The following COP1 variants were observed in gnomAD, a reference collection of about 807,000 sequenced individuals.
The protein encoded by COP1 is E3 ubiquitin-protein ligase COP1.
COP1 carries 24 observed loss-of-function variants against 101.3 expected under a neutral mutation model. The ratio of observed to expected loss-of-function variants is 0.24; its 90% confidence interval spans 0.17 to 0.33. The LOEUF (loss-of-function observed/expected upper bound fraction) is 0.33, where lower values mean the gene tolerates loss of function less well. Ranked by LOEUF, COP1 falls within the 10% of genes least tolerant of loss-of-function variation. COP1 has a pLI of 1.00. For synonymous variants in COP1, 347 were observed against 341.9 expected (o/e 1.01, Z -0.17); for missense variants, 663 against 906.2 (o/e 0.73, Z 3.45).
intron 9 of COP1, among the ~76,000 whole-genome samples, chr1:176,105,398 C>A (rs914295818): frequency 6.6e-6 from 1 of 152,076 alleles, no homozygotes; most frequent in African/African-American, 2.4e-5. Context: ...TTTGAATATA[C>A]TATATTTTCA....
intron 11 of COP1, among the ~76,000 whole-genome samples, chr1:176,053,225 GAATA>G: frequency 6.6e-6 from 1 of 152,068 alleles, no homozygotes; most frequent in Non-Finnish European, 1.5e-5. Context: ...GCTCTCCCCT[GAATA>G]TACTGCTTCC....
At chr1:176,003,753 G>A (rs1219077294) in intron 15 of COP1, among the ~76,000 whole-genome samples, 1 of 151,342 alleles carries the variant, frequency 6.6e-6, no homozygotes, top group African/African-American at 2.4e-5. Context: ...GGTTACTGTA[G>A]CCTTGTAGTA....
chr1:176,086,988 G>C (rs1185971700), intron 9 of COP1, among the ~76,000 whole-genome samples: 1 of 152,138 alleles, frequency 6.6e-6, no homozygotes, highest in Non-Finnish European at 1.5e-5. Flanking sequence ...TGACAAATCT[G>C]ACAAAAACAA....
At chr1:176,155,556 A>T (rs567151326) in intron 5 of COP1, among the ~76,000 whole-genome samples, 136 of 152,166 alleles carry the variant, frequency 8.9e-4, no homozygotes, top group African/African-American at 3.1e-3. Context: ...AAGGAGAGCA[A>T]AGGGCTGAAC....
chr1:175,995,022 G>T (rs1659760527), intron 15 of COP1, among the ~76,000 whole-genome samples: 1 of 152,122 alleles, frequency 6.6e-6, no homozygotes, highest in African/African-American at 2.4e-5. Flanking sequence ...AAATGCAAAA[G>T]ATCAGAAATT....
intron 8 of COP1, 120 bp downstream of exon 8, chr1:176,134,890 C>CATG: frequency 1.6e-6 from 1 of 643,608 alleles, no homozygotes; most frequent in Non-Finnish European, 2.7e-6. Flanking sequence ...ATTTCTAGAT[C>CATG]ATGACCAAAG....
intron 14 of COP1, among the ~76,000 whole-genome samples, chr1:176,036,131 G>C (rs1440530120): frequency 6.6e-6 from 1 of 151,986 alleles, no homozygotes; most frequent in Admixed American, 6.6e-5. Context: ...ATGAAAACTT[G>C]GTTTCAAATT....
chr1:175,971,895 T>C (rs1162277879), intron 18 of COP1, among the ~76,000 whole-genome samples: 1 of 152,020 alleles, frequency 6.6e-6, no homozygotes, highest in Non-Finnish European at 1.5e-5. Context: ...CAACAGACCA[T>C]AGAGAGCCTC....
chr1:176,016,080 A>G (rs1455521887), intron 15 of COP1, among the ~76,000 whole-genome samples: 1 of 152,180 alleles, frequency 6.6e-6, no homozygotes, highest in East Asian at 1.9e-4. Flanking sequence ...TGAGTTCTGG[A>G]TGTTAAGTTT....
At chr1:175,979,559 C>T (rs1424206142) in intron 18 of COP1, among the ~76,000 whole-genome samples, 1 of 149,268 alleles carries the variant, frequency 6.7e-6, no homozygotes, top group Non-Finnish European at 1.5e-5. Context: ...GAAGGGAGAA[C>T]ATAATATAAA....
chr1:176,052,316 T>C (rs566114344), intron 11 of COP1, among the ~76,000 whole-genome samples: 4 of 152,294 alleles, frequency 2.6e-5, no homozygotes, highest in South Asian at 2.1e-4. Context: ...ACAACAAAAA[T>C]TGCCTAATGA....
At chr1:175,999,123 A>G (rs1445196541) in intron 15 of COP1, among the ~76,000 whole-genome samples, 1 of 152,084 alleles carries the variant, frequency 6.6e-6, no homozygotes, top group Non-Finnish European at 1.5e-5. Context: ...TAGCAAATAA[A>G]AAATTAAAAA....
At chr1:176,085,258 A>G (rs1679928228) in intron 10 of COP1, among the ~76,000 whole-genome samples, 1 of 146,802 alleles carries the variant, frequency 6.8e-6, no homozygotes, top group Non-Finnish European at 1.5e-5. Flanking sequence ...TTCGGCCTGG[A>G]TTTTTTTTTT....
At chr1:175,983,195 G>C (rs1409906079) in intron 18 of COP1, among the ~76,000 whole-genome samples, 1 of 152,118 alleles carries the variant, frequency 6.6e-6, no homozygotes, top group Non-Finnish European at 1.5e-5. Context: ...TTAAAGGAAT[G>C]AAAAAGACTC....
In COP1 at chr1:176,094,341, T is replaced by A. The variant is rs147117538; in HGVS notation, c.1027-8451A>T. Among the ~76,000 whole-genome samples, 38 of 151,920 alleles carry A rather than the reference T, an allele frequency of 2.5e-4. No individual in the cohort carries two copies. In the East Asian group the frequency reaches 6.0e-3, roughly 24 times the overall value. The stretch of plus-strand genomic sequence containing the variant: ...TGGTAAATATGCAACACTTGGGTCA[T>A]CATCATATGCCAGTTTAATTATTAA... On this transcript the variant is annotated intron_variant, in intron 9 of 19. Coordinates refer to ENST00000367669, the MANE Select transcript of COP1 (RefSeq NM_022457.7).
At chr1:175,999,192 T>G (rs1661006968) in intron 15 of COP1, among the ~76,000 whole-genome samples, 1 of 152,098 alleles carries the variant, frequency 6.6e-6, no homozygotes, top group African/African-American at 2.4e-5. Flanking sequence ...TACCAAATAC[T>G]AGGTCTTACT....
intron 8 of COP1, among the ~76,000 whole-genome samples, chr1:176,133,255 C>T (rs1037349835): frequency 2.7e-5 from 4 of 150,810 alleles, no homozygotes; most frequent in South Asian, 2.1e-4. Context: ...TACACACATA[C>T]GTATATACGT....
intron 1 of COP1, among the ~76,000 whole-genome samples, chr1:176,189,732 C>G (rs1461538047): frequency 6.7e-6 from 1 of 149,898 alleles, no homozygotes; most frequent in East Asian, 2.0e-4. Flanking sequence ...ACAAAGGTTC[C>G]CAAAGGAAAA....
intron 15 of COP1, among the ~76,000 whole-genome samples, chr1:176,011,664 T>C (rs986659834): frequency 3.9e-5 from 6 of 152,194 alleles, no homozygotes; most frequent in Non-Finnish European, 5.9e-5. Context: ...AGAGAGAATT[T>C]AGAAATATAA....
Sources: gnomAD v4.1 joint callset for allele counts (sites outside exome capture counted in the v4.1 genomes callset) on GRCh38, gnomAD v4.1.1 for gene constraint, MANE v1.5 for transcripts, NCBI Gene and HGNC (gene_info 2026-07-23, HGNC 2026-07-21) for gene names.